The following CDH11 variants were observed in gnomAD, a reference collection of about 807,000 sequenced individuals.
CDH11 encodes cadherin 11.
CDH11 carries 11 observed loss-of-function variants against 67.8 expected under a neutral mutation model. The observed-to-expected ratio is 0.16, with a 90% CI of 0.10 to 0.27. The LOEUF is 0.27. CDH11 is among the 10% of genes least tolerant of loss of function. The pLI is 1.00. For synonymous variants in CDH11, 419 were observed against 400.0 expected, an observed-to-expected ratio of 1.05 and a Z score of -0.57; for missense variants, 847 against 1,031.2, an observed-to-expected ratio of 0.82 and a Z score of 2.45.
chr16:65,113,045 T>C (rs1490817145), intron 1 of CDH11, among the ~76,000 whole-genome samples: 2 of 152,180 alleles, frequency 1.3e-5, no homozygotes, highest in African/African-American at 4.8e-5. Flanking sequence ...CCCAGCACTT[T>C]GGGAAGCTGA....
At chr16:65,032,767 T>G (rs1229860174) in intron 2 of CDH11, among the ~76,000 whole-genome samples, 1 of 152,224 alleles carries the variant, frequency 6.6e-6, no homozygotes, top group African/African-American at 2.4e-5. Context: ...GGGCATTAGT[T>G]ATCTTCCCAT....
rs1208773070 is a variant in CDH11, at chr16:65,121,360, G to A, written c.-298+520C>T. ...TTTCCCGGGCTTACCCGGCAGTCTCGACTGCAGGGACTAAGCCCCGGGGAG... is the reference window on the plus strand; with the variant it reads ...TTTCCCGGGCTTACCCGGCAGTCTCAACTGCAGGGACTAAGCCCCGGGGAG... On this transcript the variant is annotated intron_variant, in intron 1 of 12. Coordinates refer to ENST00000268603, the MANE Select transcript of CDH11 (RefSeq NM_001797.4). This position sits in a 1 kb window ranked among gnomAD's most constrained non-coding sequence, Gnocchi z 4.1. Among the ~76,000 whole-genome samples the A allele has an allele frequency of 8.5e-5, 13 of 152,176 alleles. No individual in the cohort carries two copies. The highest frequency in any genetic ancestry group is 3.1e-4 in the African/African-American group (13 of 41,454).
intron 1 of CDH11, among the ~76,000 whole-genome samples, chr16:65,078,620 G>T (rs911192221): frequency 6.6e-6 from 1 of 152,062 alleles, no homozygotes; most frequent in African/African-American, 2.4e-5. Context: ...AAAATATAAA[G>T]AATTCTAGTC....
intron 1 of CDH11, among the ~76,000 whole-genome samples, chr16:65,096,406 GGTGTGTGTGT>G (rs377132363): frequency 2.2e-5 from 3 of 134,034 alleles, no homozygotes; most frequent in Admixed American, 1.5e-4. Flanking sequence ...AATCTTTCGG[GGTGTGTGTGT>G]GTGTGTGTGT....
intron 2 of CDH11, among the ~76,000 whole-genome samples, chr16:65,048,049 G>T (rs1309880906): frequency 6.6e-6 from 1 of 152,172 alleles, no homozygotes; most frequent in African/African-American, 2.4e-5. Context: ...TTCCATTGTT[G>T]TATTGATACA....
chr16:64,980,567 CAT>C lies in CDH11; in HGVS notation c.1253+1479_1253+1480del, dbSNP rs201010358. ...AAGGGCTACCAGCTAGAAGGAGGAA[CAT>C]GTGAAGTCCAGGGATTAGGAGACAG... On this transcript the variant is annotated intron_variant, in intron 8 of 12. Coordinates refer to ENST00000268603, the MANE Select transcript of CDH11 (RefSeq NM_001797.4). 2.2e-3 allele frequency among the ~76,000 whole-genome samples: 342 copies of C among 152,230 alleles called. 3 individuals are homozygous for C. Among genetic ancestry groups the C allele is most frequent in the African/African-American group, 7.6e-3 (314 of 41,520 alleles).
chr16:65,005,356 A>C (rs2142530818), intron 2 of CDH11, among the ~76,000 whole-genome samples: 1 of 152,340 alleles, frequency 6.6e-6, no homozygotes, highest in South Asian at 2.1e-4. Flanking sequence ...TTTTGTAATA[A>C]GAAAACGGGG....
rs562856418 is a variant in CDH11 at position 65,043,324 on chromosome 16, CTGAG to C, written c.-173+10476_-173+10479del. 2.5e-3 allele frequency among the ~76,000 whole-genome samples: 377 copies of C among 152,246 alleles called. 3 individuals carry two copies. The highest frequency in any genetic ancestry group is 8.4e-3 in the African/African-American group (349 of 41,546). ...GGTTGGATTATCTGGGACGCTGACT[CTGAG>C]ATGGAGTTTAGCATGGGGATGTTTA... On this transcript the variant is annotated intron_variant, in intron 2 of 12. Coordinates refer to ENST00000268603, the MANE Select transcript of CDH11 (RefSeq NM_001797.4).
chr16:65,062,326 T>A (rs1004417926), intron 1 of CDH11, among the ~76,000 whole-genome samples: 1 of 152,210 alleles, frequency 6.6e-6, no homozygotes, highest in Non-Finnish European at 1.5e-5. Flanking sequence ...TTCTGGAGTA[T>A]GCAAATCTCC....
chr16:65,084,598 T>A (rs905268249), intron 1 of CDH11, among the ~76,000 whole-genome samples: 42 of 152,210 alleles, frequency 2.8e-4, no homozygotes, highest in African/African-American at 9.9e-4. Flanking sequence ...ATAGTCGTCA[T>A]TTTTGTGCAG....
intron 1 of CDH11, among the ~76,000 whole-genome samples, chr16:65,085,095 G>C (rs2074673344): frequency 6.6e-6 from 1 of 152,122 alleles, no homozygotes; most frequent in African/African-American, 2.4e-5. Context: ...AATTTTAGTA[G>C]AGACAGGGTT....
At chr16:65,101,207 T>A (rs1265015812) in intron 1 of CDH11, among the ~76,000 whole-genome samples, 1 of 152,182 alleles carries the variant, frequency 6.6e-6, no homozygotes, top group South Asian at 2.1e-4. Context: ...AAGAGATGCA[T>A]ACCACTCTCC....
At chr16:64,951,867 T>TCAGC (rs1232604696) in intron 11 of CDH11, among the ~76,000 whole-genome samples, 2 of 152,094 alleles carry the variant, frequency 1.3e-5, no homozygotes, top group African/African-American at 4.8e-5. Context: ...CCCAACACCA[T>TCAGC]CAGCCACCCA....
At chr16:65,085,830 T>C (rs2074688313) in intron 1 of CDH11, among the ~76,000 whole-genome samples, 1 of 152,250 alleles carries the variant, frequency 6.6e-6, no homozygotes, top group Non-Finnish European at 1.5e-5. Flanking sequence ...CATTGCCTCA[T>C]GCAATGCTCA....
At chr16:65,062,433 G>A (rs966518197) in intron 1 of CDH11, among the ~76,000 whole-genome samples, 45 of 152,022 alleles carry the variant, frequency 3.0e-4, no homozygotes, top group Non-Finnish European at 4.9e-4. Flanking sequence ...ACAGCCTCCC[G>A]CTATCTTTCC....
chr16:65,000,671 T>C (rs2072898392), intron 3 of CDH11, among the ~76,000 whole-genome samples: 1 of 151,980 alleles, frequency 6.6e-6, no homozygotes, highest in South Asian at 2.1e-4. Flanking sequence ...TAACCAGGCA[T>C]GATAGCTTGC....
At chr16:64,969,828 G>T (rs2071952346) in intron 11 of CDH11, among the ~76,000 whole-genome samples, 2 of 152,156 alleles carry the variant, frequency 1.3e-5, no homozygotes, top group South Asian at 4.1e-4. Flanking sequence ...TTGTTTTGGA[G>T]AAAACTATCA....
At chr16:65,034,014 C>T (rs199896652) in intron 2 of CDH11, among the ~76,000 whole-genome samples, 3 of 152,118 alleles carry the variant, frequency 2.0e-5, no homozygotes, top group African/African-American at 7.2e-5. Context: ...AACAGTATTA[C>T]GGGTTAAATT....
intron 4 of CDH11, among the ~76,000 whole-genome samples, chr16:64,993,433 GC>G (rs968922250): frequency 6.6e-5 from 10 of 152,032 alleles, no homozygotes; most frequent in Admixed American, 1.3e-4. Context: ...ACGATAAATT[GC>G]TTTCAGGAAA....
Sources: allele counts gnomAD v4.1 joint callset (sites outside exome capture counted in the v4.1 genomes callset), GRCh38; gene constraint gnomAD v4.1.1; non-coding constraint Gnocchi (gnomAD v3.1); transcripts MANE v1.5; gene names NCBI Gene and HGNC (gene_info 2026-07-23, HGNC 2026-07-21).